RUNX2: variants seen among roughly 807,000 people sequenced by gnomAD.
RUNX2 encodes the protein runt-related transcription factor 2.
In RUNX2, 10 loss-of-function variants were observed where a neutral mutation model predicts 51.7. That is an observed-to-expected ratio of 0.19 (90% CI 0.12 to 0.33). The LOEUF is 0.33. Among genes scored for constraint, RUNX2 ranks in the 10% least tolerant of loss-of-function variants. The pLI, the probability that RUNX2 is intolerant of heterozygous loss-of-function variation, is 1.00. For synonymous variants in RUNX2, 276 were observed against 273.6 expected, an observed-to-expected ratio of 1.01 and a Z score of -0.09; for missense variants, 562 against 691.3, an observed-to-expected ratio of 0.81 and a Z score of 2.10.
chr6:45,486,937 G>A, intron 5 of RUNX2, among the ~76,000 whole-genome samples: 1 of 152,072 alleles, frequency 6.6e-6, no homozygotes, highest in East Asian at 1.9e-4. Flanking sequence ...AAGTTATAAT[G>A]GTAGTATTAC....
chr6:45,352,834 T>C (rs1219611430), intron 2 of RUNX2, among the ~76,000 whole-genome samples: 1 of 152,114 alleles, frequency 6.6e-6, no homozygotes, highest in Non-Finnish European at 1.5e-5. Context: ...TATATATAAT[T>C]CTATTAGTCA....
chr6:45,371,849 T>C (rs1036390956), intron 2 of RUNX2: 23 of 983,722 alleles, frequency 2.3e-5, no homozygotes, highest in Non-Finnish European at 2.8e-5. Context: ...GAACTACAGT[T>C]TGAAAATCAC....
chr6:45,532,679 T>A (rs1354079326), intron 7 of RUNX2, among the ~76,000 whole-genome samples: 1 of 152,190 alleles, frequency 6.6e-6, no homozygotes, highest in Non-Finnish European at 1.5e-5. Context: ...ATGAAAAGAT[T>A]AAATAGATGT....
At chr6:45,491,624 T>C (rs1800469296) in intron 5 of RUNX2, among the ~76,000 whole-genome samples, 1 of 137,976 alleles carries the variant, frequency 7.2e-6, no homozygotes, top group South Asian at 2.3e-4. Context: ...TCCTGTTTGT[T>C]TTTTTTTTTT....
chr6:45,535,208 T>C (rs1363455201), intron 7 of RUNX2, among the ~76,000 whole-genome samples: 3 of 152,028 alleles, frequency 2.0e-5, no homozygotes, highest in Admixed American at 6.6e-5. Context: ...AGTTTATCTA[T>C]GTAACAAACC....
chr6:45,376,945 A>G (rs1796874249), intron 2 of RUNX2, among the ~76,000 whole-genome samples: 1 of 152,148 alleles, frequency 6.6e-6, no homozygotes, highest in African/African-American at 2.4e-5. Context: ...ATAACTTAAC[A>G]TTTCTATTAG....
chr6:45,388,473 G>A (rs112982128), intron 2 of RUNX2, among the ~76,000 whole-genome samples: 3,086 of 152,206 alleles, frequency 0.02, 43 homozygotes, highest in Non-Finnish European at 0.032. Flanking sequence ...TTTGGGCCCC[G>A]CCCCAAACCT....
At chr6:45,383,912 T>G (rs1220824613) in intron 2 of RUNX2, among the ~76,000 whole-genome samples, 3 of 152,202 alleles carry the variant, frequency 2.0e-5, no homozygotes, top group African/African-American at 7.2e-5. Context: ...CTCAGATCAT[T>G]TGTTAATAGT....
At chr6:45,353,270 G>C (rs1382077262) in intron 2 of RUNX2, among the ~76,000 whole-genome samples, 1 of 152,040 alleles carries the variant, frequency 6.6e-6, no homozygotes, top group Non-Finnish European at 1.5e-5. Context: ...CTTAGAATTT[G>C]TTTTGGAACT....
intron 2 of RUNX2, among the ~76,000 whole-genome samples, chr6:45,358,561 T>C (rs1160774939): frequency 6.6e-6 from 1 of 152,158 alleles, no homozygotes; most frequent in Non-Finnish European, 1.5e-5. Flanking sequence ...ATTTATTTTT[T>C]AAAAAGATAA....
At chr6:45,479,440 A>T (rs975803629) in intron 5 of RUNX2, among the ~76,000 whole-genome samples, 2 of 152,198 alleles carry the variant, frequency 1.3e-5, no homozygotes, top group Non-Finnish European at 2.9e-5. Flanking sequence ...AGTATAAAGC[A>T]TGTGGGGCCT....
At chr6:45,463,620 T>C (rs1799539808) in intron 5 of RUNX2, among the ~76,000 whole-genome samples, 1 of 152,196 alleles carries the variant, frequency 6.6e-6, no homozygotes, top group Admixed American at 6.5e-5. Context: ...CTCAAATTTG[T>C]TTAAATGCTT....
rs544292909 is a variant in RUNX2, at chr6:45,464,408, CT to C, written c.685+26367del. 2.0e-3 allele frequency among the ~76,000 whole-genome samples: 297 copies of C among 150,168 alleles called. 2 individuals are homozygous for C. Among genetic ancestry groups the C allele is most frequent in the African/African-American group, 5.6e-3 (230 of 40,972 alleles). ...AAGACATTTATACCCTAAATATAAA[CT>C]TTTTTTTTTCTTTTTAGTGATGATG... On this transcript the variant is annotated intron_variant, in intron 5 of 8. Transcript: ENST00000647337.
chr6:45,418,132 A>T (rs1280474362), intron 2 of RUNX2, among the ~76,000 whole-genome samples: 1 of 151,376 alleles, frequency 6.6e-6, no homozygotes, highest in East Asian at 1.9e-4. Context: ...CCATTGAAAA[A>T]TATTTTAAGA....
At chr6:45,516,165 C>T (rs1801313208) in intron 7 of RUNX2, among the ~76,000 whole-genome samples, 1 of 151,972 alleles carries the variant, frequency 6.6e-6, no homozygotes, top group Non-Finnish European at 1.5e-5. Flanking sequence ...AAGGTATAAA[C>T]AAAATAAGAT....
At position 45,547,163 on chromosome 6, in the gene RUNX2, C is replaced by T; in HGVS notation, c.1424C>T (p.Thr475Ile). ...SPSRMLPPCT[T>I]TSNGSTLLNP... ...TCCAGAATGCTTCCGCCATGCACCA[C>T]CACCTCGAATGGCAGCACGCTATTA... The change falls in exon 9 of 9, where the codon ACC becomes ATC. Residue 475 changes from threonine (T) to isoleucine (I), a missense_variant. Around this residue, in one of 5 missense-constraint regions of RUNX2, gnomAD observed 304 missense variants for 353.2 expected, o/e 0.86. Coordinates refer to ENST00000647337, the MANE Select transcript of RUNX2 (RefSeq NM_001024630.4). 1 of 1,614,180 alleles carries T rather than the reference C, an allele frequency of 6.2e-7. No homozygotes were observed. Among genetic ancestry groups the T allele is most frequent in the South Asian group, 1.1e-5 (1 of 91,080 alleles).
chr6:45,477,660 A>T (rs1392169616), intron 5 of RUNX2, among the ~76,000 whole-genome samples: 1 of 151,908 alleles, frequency 6.6e-6, no homozygotes, highest in Non-Finnish European at 1.5e-5. Context: ...CACTCCCTCA[A>T]ATCTTTTAGT....
At chr6:45,485,697 G>GTGTATATATATATATATATATATATATA (rs1219072282) in intron 5 of RUNX2, among the ~76,000 whole-genome samples, 19 of 104,038 alleles carry the variant, frequency 1.8e-4, no homozygotes, top group African/African-American at 5.7e-4. Context: ...GTGTGTGTGT[G>GTGTATATATATATATATATATATATATA]TATATATATA....
chr6:45,408,724 T>C (rs1797889251), intron 2 of RUNX2, among the ~76,000 whole-genome samples: 2 of 152,004 alleles, frequency 1.3e-5, no homozygotes. Flanking sequence ...GTATCAACCT[T>C]CCCCTGATGG....
Sources: gnomAD v4.1 joint callset for allele counts (sites outside exome capture counted in the v4.1 genomes callset) on GRCh38, gnomAD v4.1.1 for gene constraint, gnomAD v4.1.1 regional missense constraint, MANE v1.5 for transcripts, NCBI Gene and HGNC (gene_info 2026-07-23, HGNC 2026-07-21) for gene names.